Variants in DNAH14 observed in about 807,000 individuals in gnomAD.
The protein encoded by DNAH14 is dynein axonemal heavy chain 14.
Under a neutral mutation model 520.9 loss-of-function variants are expected in DNAH14, and 478 were observed. The ratio of observed to expected loss-of-function variants is 0.92; its 90% CI spans 0.85 to 0.99. DNAH14 has a LOEUF of 0.99. Ranked by LOEUF, DNAH14 falls within the 50% of genes least tolerant of loss-of-function variation. The probability of loss-of-function intolerance (pLI) is 0.00; values close to 1 mark genes in which losing one functional copy is unlikely to be tolerated. For synonymous variants in DNAH14, 1,581 were observed against 1,757.2 expected, an observed-to-expected ratio of 0.90 and a Z score of 2.51; for missense variants, 4,831 against 5,234.5, an observed-to-expected ratio of 0.92 and a Z score of 2.38.
At chr1:224,960,401 A>G in intron 4 of DNAH14, 99 bp downstream of exon 4, 3 of 1,263,306 alleles carry the variant, frequency 2.4e-6, no homozygotes, top group Non-Finnish European at 3.1e-6. Flanking sequence ...TTTAGAAAAA[A>G]CAGTCTTACT....
At chr1:224,935,645 T>G (rs1333071475) in intron 1 of DNAH14, among the ~76,000 whole-genome samples, 1 of 151,836 alleles carries the variant, frequency 6.6e-6, no homozygotes, top group Non-Finnish European at 1.5e-5. Flanking sequence ...ACTCTCAGTA[T>G]TAGACAGATT....
At chr1:225,210,872 G>T (rs1275512459) in intron 41 of DNAH14, among the ~76,000 whole-genome samples, 1 of 152,176 alleles carries the variant, frequency 6.6e-6, no homozygotes, top group Non-Finnish European at 1.5e-5. Flanking sequence ...GATCTGGAGT[G>T]GACCTCTAGC....
Position 225,099,399 on chromosome 1 carries a change from G to A in DNAH14, c.3696-1314G>A, listed in dbSNP as rs138355923. ...CTTAGACCAGTGATTTTCAACCAGC[G>A]GTAATTTTTTTACCTCTGGGAGTCA... On this transcript the variant is annotated intron_variant, in intron 22 of 85. Coordinates refer to ENST00000682510, the MANE Select transcript of DNAH14 (RefSeq NM_001367479.1). 3.6e-3 allele frequency among the ~76,000 whole-genome samples: 544 copies of A among 152,140 alleles called. 3 individuals carry two copies. The highest frequency in any genetic ancestry group is 5.7e-3 in the Non-Finnish European group (390 of 68,008).
At position 225,277,409 on chromosome 1, in the gene DNAH14, G is replaced by A. The variant is rs1249248990; in HGVS notation, c.8179-1G>A. On this transcript the variant is annotated splice_acceptor_variant, in intron 53 of 85. Transcript: ENST00000682510. LOFTEE classifies it high-confidence loss of function. ...TTTATTTGTCACATTTGATCTGCTA[G>A]CTTTCTCATTCCATGGTGTTCTTCA... 1 of 467,868 alleles carries A rather than the reference G, an allele frequency of 2.1e-6. No homozygotes were observed. Among genetic ancestry groups the A allele is most frequent in the Admixed American group, 2.4e-5 (1 of 42,214 alleles). The allele number at this position is 467,868 out of a possible 1,614,324, so 29.0% of individuals were successfully genotyped here.
At chr1:225,271,875 G>A (rs776848393) in intron 50 of DNAH14, 31 bp from the exon 51 acceptor site, 580 of 1,524,510 alleles carry the variant, frequency 3.8e-4, no homozygotes, top group Non-Finnish European at 4.8e-4. Flanking sequence ...CAAATTTTTG[G>A]CAAGCTAAAT....
chr1:224,947,884 T>C (rs539776084), intron 1 of DNAH14, among the ~76,000 whole-genome samples: 1 of 152,238 alleles, frequency 6.6e-6, no homozygotes, highest in South Asian at 2.1e-4. Context: ...TGTATTGTGG[T>C]CATAGAATTT....
intron 33 of DNAH14, among the ~76,000 whole-genome samples, chr1:225,153,159 T>C (rs894991569): frequency 2.0e-5 from 3 of 152,134 alleles, no homozygotes; most frequent in African/African-American, 7.2e-5. Flanking sequence ...TTACGGACTA[T>C]TTTTTTCCAT....
At chr1:225,051,866 C>A in intron 17 of DNAH14, 71 bp downstream of exon 17, 2 of 1,083,856 alleles carry the variant, frequency 1.8e-6, no homozygotes, top group South Asian at 1.8e-5. Context: ...AAAATATGTA[C>A]TTAGAGAATA....
chr1:225,002,476 T>C (rs1322552258), intron 8 of DNAH14, among the ~76,000 whole-genome samples: 2 of 152,106 alleles, frequency 1.3e-5, no homozygotes, highest in Non-Finnish European at 2.9e-5. Flanking sequence ...TGAGGACATA[T>C]AATTCATTTT....
intron 19 of DNAH14, among the ~76,000 whole-genome samples, chr1:225,081,918 A>G (rs766309856): frequency 7.2e-5 from 11 of 152,044 alleles, no homozygotes; most frequent in Admixed American, 1.3e-4. Flanking sequence ...TTTTTTAATG[A>G]AATTGTAGTG....
intron 37 of DNAH14, among the ~76,000 whole-genome samples, chr1:225,186,411 CT>C (rs2084742270): frequency 6.6e-6 from 1 of 151,666 alleles, no homozygotes; most frequent in African/African-American, 2.4e-5. Context: ...TATGGACTAC[CT>C]AAAAAGGTCC....
chr1:225,367,008 TACAC>T (rs111814272), intron 76 of DNAH14, among the ~76,000 whole-genome samples: 25,623 of 149,264 alleles, frequency 0.17, 2,338 homozygotes, highest in South Asian at 0.3. Context: ...CTCATGTTCA[TACAC>T]ACACACACAC....
At chr1:225,352,998 T>C (rs1301488640) in intron 72 of DNAH14, among the ~76,000 whole-genome samples, 1 of 152,142 alleles carries the variant, frequency 6.6e-6, no homozygotes, top group Non-Finnish European at 1.5e-5. Flanking sequence ...TTATTGACCC[T>C]TTTTGTAAAG....
chr1:224,946,527 AGTT>A (rs1334385217), intron 1 of DNAH14, among the ~76,000 whole-genome samples: 2 of 152,156 alleles, frequency 1.3e-5, no homozygotes, highest in African/African-American at 4.8e-5. Context: ...CCGGTACCTC[AGTT>A]GGAAATGCAG....
At chr1:225,130,567 A>AGGAT (rs2078288780) in intron 27 of DNAH14, among the ~76,000 whole-genome samples, 1 of 133,826 alleles carries the variant, frequency 7.5e-6, no homozygotes, top group Non-Finnish European at 1.7e-5. Context: ...AAATATCGCA[A>AGGAT]GGATAAAAAA....
rs568797500 is a variant in DNAH14 at position 225,105,823 on chromosome 1, T to G, written c.3867+4939T>G. On this transcript the variant is annotated intron_variant, in intron 23 of 85. Coordinates refer to ENST00000682510, the MANE Select transcript of DNAH14 (RefSeq NM_001367479.1). The stretch of plus-strand genomic sequence containing the variant: ...TTTCCTGAATACAGCACACTGATGG[T>G]TCTTGACTCTTTATCCAATTTGCCA... Among the ~76,000 whole-genome samples, 48 of 152,134 alleles carry G rather than the reference T, an allele frequency of 3.2e-4. 1 individual carries two copies. The South Asian group carries it at 3.3e-3, about 11-fold the overall frequency.
At chr1:225,106,880 C>T (rs1271610197) in intron 23 of DNAH14, among the ~76,000 whole-genome samples, 1 of 152,184 alleles carries the variant, frequency 6.6e-6, no homozygotes, top group Non-Finnish European at 1.5e-5. Flanking sequence ...TCTCTCAACT[C>T]GTCAAAGTCA....
At chr1:224,941,434 A>G (rs1287762184) in intron 1 of DNAH14, among the ~76,000 whole-genome samples, 2 of 152,086 alleles carry the variant, frequency 1.3e-5, no homozygotes, top group Non-Finnish European at 2.9e-5. Flanking sequence ...TTGTCAGATG[A>G]GTAGATTGCA....
At chr1:224,992,315 C>T (rs2063114913) in intron 8 of DNAH14, among the ~76,000 whole-genome samples, 1 of 152,102 alleles carries the variant, frequency 6.6e-6, no homozygotes, top group Non-Finnish European at 1.5e-5. Flanking sequence ...AATCTGTAAA[C>T]ATTTTAACAA....
Sources: allele counts gnomAD v4.1 joint callset (sites outside exome capture counted in the v4.1 genomes callset), GRCh38; gene constraint gnomAD v4.1.1; transcripts MANE v1.5; gene names NCBI Gene and HGNC (gene_info 2026-07-23, HGNC 2026-07-21).